ZNF347: variants seen among roughly 807,000 people sequenced by gnomAD.
The protein encoded by ZNF347 is zinc finger protein 347, also known as CTD-2620I22.7.
In ZNF347, 19 loss-of-function variants were observed where a neutral mutation model predicts 12.9. That is an observed-to-expected ratio of 1.47 (90% CI 1.03 to 2.16). ZNF347 has a LOEUF of 2.16. Ranked by LOEUF, ZNF347 falls within the 30% of genes most tolerant of loss-of-function variation. The pLI is 0.00. For synonymous variants in ZNF347, 328 were observed against 340.6 expected (o/e 0.96, Z 0.41); for missense variants, 1,005 against 990.6 (o/e 1.01, Z -0.19).
In ZNF347 at chr19:53,138,945, T is replaced by C. The variant is rs1251921456; in HGVS notation, c.*1363A>G. 2 of 152,172 alleles carry C rather than the reference T, an allele frequency of 1.3e-5. No individual in the cohort carries two copies. The highest frequency in any genetic ancestry group is 2.9e-5 in the Non-Finnish European group (2 of 68,024). 9.4% of individuals were successfully genotyped at this position (152,172 alleles called of 1,614,324 possible). On this transcript the variant is annotated 3_prime_UTR_variant, in exon 5 of 5. Transcript: ENST00000334197. ...CAAAACAAAAAAAACCATGGTATTC[T>C]GGTTTTTCTGACCAAGCTCTCCACT...
At chr19:53,157,969 C>A (rs1288419826) in intron 1 of ZNF347, among the ~76,000 whole-genome samples, 1 of 152,222 alleles carries the variant, frequency 6.6e-6, no homozygotes, top group African/African-American at 2.4e-5. Flanking sequence ...CCATCCTCTA[C>A]TTTGCCATCT....
At position 53,143,543 on chromosome 19, in the gene ZNF347, A is replaced by C. The variant is rs570413702; in HGVS notation, c.272-987T>G. Among the ~76,000 whole-genome samples, 8 of 151,154 alleles carry C rather than the reference A, an allele frequency of 5.3e-5. No homozygotes were observed. The East Asian group carries it at 1.2e-3, about 22-fold the overall frequency. ...GTTTCCAGCTTCATCCATGTCCCTA[A>C]AAAGGACATGAACTCATCATTTTTT... On this transcript the variant is annotated intron_variant, in intron 4 of 4. Transcript: ENST00000334197.
intron 2 of ZNF347, among the ~76,000 whole-genome samples, chr19:53,153,494 T>TCTCACATCCCCC (rs1467134472): frequency 6.6e-6 from 1 of 152,134 alleles, no homozygotes; most frequent in Non-Finnish European, 1.5e-5. Flanking sequence ...TCTCCATCCA[T>TCTCACATCCCCC]GTCTGGGTGT....
intron 4 of ZNF347, 63 bp from the exon 5 acceptor site, chr19:53,142,619 C>G: frequency 1.6e-6 from 2 of 1,267,220 alleles, no homozygotes; most frequent in Non-Finnish European, 2.1e-6. Flanking sequence ...GTATTTTACA[C>G]CGAAAAACAA....
At chr19:53,149,467 G>A (rs550343656) in intron 2 of ZNF347, 100 bp from the exon 3 acceptor site, 80 of 1,581,770 alleles carry the variant, frequency 5.1e-5, no homozygotes, top group Middle Eastern at 1.7e-4. Context: ...TAAGTGGGCC[G>A]ATATCCAAGT....
Position 53,140,067 on chromosome 19 carries a change from A to G in ZNF347, c.*241T>C. Reference sequence around the variant, plus strand: ...AGGCGCACGCCACCAGGCCTAGCTAATTGTGTACTTTTAGTAGAAATGGGG... The same window carrying G: ...AGGCGCACGCCACCAGGCCTAGCTAGTTGTGTACTTTTAGTAGAAATGGGG... On this transcript the variant is annotated 3_prime_UTR_variant, in exon 5 of 5. Transcript: ENST00000334197. 1 of 429,080 alleles carries G rather than the reference A, an allele frequency of 2.3e-6. No homozygotes were observed. Among genetic ancestry groups the G allele is most frequent in the Admixed American group, 4.0e-5 (1 of 24,780 alleles). 26.6% of individuals were successfully genotyped at this position (429,080 alleles called of 1,614,324 possible).
Position 53,139,926 on chromosome 19 carries a change from G to C in ZNF347, c.*382C>G, listed in dbSNP as rs1012814686. On this transcript the variant is annotated 3_prime_UTR_variant, in exon 5 of 5. Transcript: ENST00000334197. ...TTTTTTTTTTTTCCTTTAAGATGGA[G>C]TTTTGCTCTTTTTGCCCAGGATGGA... 6.0e-6 allele frequency: 1 copy of C among 165,356 alleles called. No individual in the cohort carries two copies. Among genetic ancestry groups the C allele is most frequent in the Non-Finnish European group, 1.3e-5 (1 of 76,478 alleles). 10.2% of individuals were successfully genotyped at this position (165,356 alleles called of 1,614,324 possible). A position where few individuals can be genotyped will look rare whatever the true frequency, so the allele number is the denominator to read the frequency against.
intron 1 of ZNF347, among the ~76,000 whole-genome samples, chr19:53,156,057 G>GC (rs1383973624): frequency 7.5e-6 from 1 of 132,648 alleles, no homozygotes; most frequent in African/African-American, 2.9e-5. Context: ...GGGGGGGGGG[G>GC]GGGTTAGGCG....
rs973444161 is a variant in ZNF347 at position 53,136,563 on chromosome 19, C to G, written c.*3745G>C. The G allele has an allele frequency of 6.8e-6, 1 of 147,382 alleles. No individual in the cohort carries two copies. Among genetic ancestry groups the G allele is most frequent in the Non-Finnish European group, 1.5e-5 (1 of 66,928 alleles). 9.1% of individuals were successfully genotyped at this position (147,382 alleles called of 1,614,324 possible). ...ACCTGGCCAACATAGCGAGACCCCA[C>G]GTCTAAAAAGAAAAAGAAAAAAAAA... On this transcript the variant is annotated 3_prime_UTR_variant, in exon 5 of 5. Transcript: ENST00000334197.
intron 3 of ZNF347, 64 bp downstream of exon 3, chr19:53,149,177 C>T: frequency 2.5e-6 from 4 of 1,593,232 alleles, no homozygotes; most frequent in Non-Finnish European, 3.4e-6. Flanking sequence ...CCCAGGAGAG[C>T]CACATGGAAA....
Position 53,141,271 on chromosome 19 carries a change from G to A in ZNF347, c.1557C>T (p.Gly519=). The change falls in exon 5 of 5, where the codon GGC becomes GGT. Residue 519 remains glycine, a synonymous_variant. Coordinates refer to ENST00000334197, the MANE Select transcript of ZNF347 (RefSeq NM_032584.3). ...GGTGTGAATTTTGAGTGAAGACCTT[G>A]CCACATTCATTACATTTGTAAGGCT... ...GEKPYKCNEC[G]KVFTQNSHLA... is the part of the protein sequence containing the mutation. 1 of 1,613,820 alleles carries A rather than the reference G, an allele frequency of 6.2e-7. No individual in the cohort carries two copies. The highest frequency in any genetic ancestry group is 2.2e-5 in the East Asian group (1 of 44,836).
At chr19:53,151,767 T>A (rs12974598) in intron 2 of ZNF347, among the ~76,000 whole-genome samples, 1 of 151,964 alleles carries the variant, frequency 6.6e-6, no homozygotes, top group African/African-American at 2.4e-5. Flanking sequence ...AAGATACAAT[T>A]TGAATTGCTA....
rs1424585430 is a variant in ZNF347 at position 53,140,829 on chromosome 19, G to A, written c.1999C>T (p.His667Tyr). 1.2e-6 allele frequency: 2 copies of A among 1,613,782 alleles called. No individual in the cohort carries two copies. Among genetic ancestry groups the A allele is most frequent in the Non-Finnish European group, 1.7e-6 (2 of 1,179,898 alleles). ...TGAACTCTCCGATGTCTTGCAAGGT[G>A]TGAATTCTGAGTGAAGACCTTGCCA... Reference protein sequence around the residue: ...ECGKVFTQNSHLARHRRVHTG... With the variant: ...ECGKVFTQNSYLARHRRVHTG... Residue 667 changes from histidine to tyrosine, a missense_variant, in exon 5 of 5, where the codon CAC (histidine) becomes TAC (tyrosine). Physicochemically the swap from His to Tyr is moderately conservative, Grantham distance 83. Coordinates refer to ENST00000334197, the MANE Select transcript of ZNF347 (RefSeq NM_032584.3).
chr19:53,158,721 A>C (rs1163154215), intron 1 of ZNF347: 1 of 152,080 alleles, frequency 6.6e-6, no homozygotes, highest in African/African-American at 2.4e-5. Flanking sequence ...AACACGGTGA[A>C]ACCCCGTCTC....
chr19:53,142,137 TGAC>T lies in ZNF347; in HGVS notation c.688_690del (p.Val230del), dbSNP rs1171679917. ...AGATATTTCTTAGAAATGTGGGTTT[TGAC>T]ATTATAAGGCATTTGTTGAGGTGGT... is the stretch of plus-strand genomic sequence containing the variant. On this transcript the variant is annotated inframe_deletion, in exon 5 of 5. Transcript: ENST00000334197. 6.2e-7 allele frequency: 1 copy of T among 1,613,840 alleles called. No individual in the cohort carries two copies. The highest frequency in any genetic ancestry group is 1.3e-5 in the African/African-American group (1 of 74,924).
chr19:53,158,297 G>T (rs987026839), intron 1 of ZNF347, among the ~76,000 whole-genome samples: 3 of 152,170 alleles, frequency 2.0e-5, no homozygotes, highest in Admixed American at 6.5e-5. Context: ...TTAGAAGAGG[G>T]GTGGGGTCTG....
Position 53,139,068 on chromosome 19 carries a change from C to G in ZNF347, c.*1240G>C, listed in dbSNP as rs186124754. ...GCCATTCAGTAGAGAAAGTGGCAACCATTTCCCCTGCACTATTCCCATCAC... is the reference window on the plus strand; with the variant it reads ...GCCATTCAGTAGAGAAAGTGGCAACGATTTCCCCTGCACTATTCCCATCAC... On this transcript the variant is annotated 3_prime_UTR_variant, in exon 5 of 5. Coordinates refer to ENST00000334197, the MANE Select transcript of ZNF347 (RefSeq NM_032584.3). 6.6e-6 allele frequency: 1 copy of G among 152,084 alleles called. No homozygotes were observed. Among genetic ancestry groups the G allele is most frequent in the African/African-American group, 2.4e-5 (1 of 41,414 alleles). The allele number at this position is 152,084 out of a possible 1,614,324, so 9.4% of individuals were successfully genotyped here.
intron 2 of ZNF347, chr19:53,149,618 CG>C: frequency 1.7e-6 from 1 of 581,588 alleles, no homozygotes; most frequent in African/African-American, 2.0e-5. Flanking sequence ...TTCAGAATGG[CG>C]GGGTGGTCAC....
rs1000370832 is a variant in ZNF347, at chr19:53,140,732, T to C, written c.2096A>G (p.His699Arg). Reference sequence around the variant, plus strand: ...TTTCTCTCCAGTATGAACTCTCTGATGCCTTGCAAGCTTTGATGTTTGACT... The same window carrying C: ...TTTCTCTCCAGTATGAACTCTCTGACGCCTTGCAAGCTTTGATGTTTGACT... ...AFSQTSKLARHQRVHTGEKPY... is the reference protein window; with the variant it reads ...AFSQTSKLARRQRVHTGEKPY... Residue 699 changes from histidine (H) to arginine (R), a missense_variant, in exon 5 of 5, where the codon CAT (histidine) becomes CGT (arginine). His to Arg is a conservative substitution (Grantham distance 29, BLOSUM62 0). Transcript: ENST00000334197. 7.4e-6 allele frequency: 12 copies of C among 1,613,124 alleles called. No individual in the cohort carries two copies. The highest frequency in any genetic ancestry group is 9.3e-6 in the Non-Finnish European group (11 of 1,179,518).
Sources: gnomAD v4.1 joint callset for allele counts (sites outside exome capture counted in the v4.1 genomes callset) on GRCh38, gnomAD v4.1.1 for gene constraint, MANE v1.5 for transcripts, NCBI Gene and HGNC (gene_info 2026-07-23, HGNC 2026-07-21) for gene names.